VSIG1: variants seen among roughly 807,000 people sequenced by gnomAD.
VSIG1 encodes the protein V-set and immunoglobulin domain containing 1.
VSIG1 carries 11 observed loss-of-function variants against 20.1 expected under a neutral mutation model. The observed-to-expected ratio is 0.55, with a 90% CI of 0.34 to 0.91. The LOEUF (loss-of-function observed/expected upper bound fraction) is 0.91. VSIG1 is among the 40% of genes least tolerant of loss of function. The pLI, the probability that VSIG1 is intolerant of heterozygous loss-of-function variation, is 0.02. For missense variants in VSIG1, 283 were observed against 298.8 expected (o/e 0.95, Z 0.39); for synonymous variants, 126 against 116.7 (o/e 1.08, Z -0.52).
rs959451865 is a variant in VSIG1, at chrX:108,078,765, G to A, written c.*1384G>A. 6 of 112,346 alleles carry A rather than the reference G, an allele frequency of 5.3e-5. No homozygotes were observed. The highest frequency in any genetic ancestry group is 1.6e-4 in the African/African-American group (5 of 30,902). The allele number at this position is 112,346 out of a possible 1,213,427, so 9.3% of individuals were successfully genotyped here. On this transcript the variant is annotated 3_prime_UTR_variant, in exon 7 of 7. Transcript: ENST00000217957. ...GAATGAGTTATTATGTTATCACTGT[G>A]TCTGATGTTATCTACTTTGAAAGGC... is the stretch of plus-strand genomic sequence containing the variant.
chrX:108,072,152 T>G (rs2031260370), intron 3 of VSIG1, among the ~76,000 whole-genome samples: 1 of 110,229 alleles, frequency 9.1e-6, no homozygotes, highest in Non-Finnish European at 1.9e-5. Flanking sequence ...GGAGTCACTA[T>G]TTGAATCTTA....
the VSIG1 span, among the ~76,000 whole-genome samples, chrX:108,031,552 T>C: frequency 8.9e-6 from 1 of 111,784 alleles, no homozygotes. Flanking sequence ...ATGTTGGCAA[T>C]CGTAGCCATG....
At position 108,076,177 on chromosome X, in the gene VSIG1, A is replaced by C. The variant is rs1263435892; in HGVS notation, c.789A>C (p.Ala263=). 8 of 1,209,553 alleles carry C rather than the reference A, an allele frequency of 6.6e-6. No homozygotes were observed. The highest frequency in any genetic ancestry group is 8.9e-6 in the Non-Finnish European group (8 of 894,767). The change falls in exon 6 of 7, where the codon GCA becomes GCC. Residue 263 remains alanine (A), a synonymous_variant. Transcript: ENST00000217957. The part of the protein sequence containing the change: ...VVCFARNKAK[A]KAKERNSKTI... ...GCTTCGCAAGGAATAAGGCAAAAGC[A>C]AAGGCAAAAGAAAGAAATTCTAAGA... is the stretch of plus-strand genomic sequence containing the variant.
intron 2 of VSIG1, chrX:108,061,618 T>C: frequency 1.3e-6 from 1 of 785,875 alleles, no homozygotes; most frequent in Non-Finnish European, 1.9e-6. Context: ...AGGAATGGGA[T>C]GGGAGGGTCT....
At chrX:108,060,875 G>C (rs1016823460) in intron 2 of VSIG1, among the ~76,000 whole-genome samples, 2 of 112,181 alleles carry the variant, frequency 1.8e-5, no homozygotes, top group Non-Finnish European at 3.8e-5. Context: ...ACAAAATGGC[G>C]ATTTTGCAAA....
chrX:108,058,308 T>C lies in VSIG1; in HGVS notation c.213+107T>C. 3 of 806,247 alleles carry C rather than the reference T, an allele frequency of 3.7e-6. No individual in the cohort carries two copies. The South Asian group carries it at 8.0e-5, about 22-fold the overall frequency. 66.4% of individuals were successfully genotyped at this position (806,247 alleles called of 1,213,427 possible). A position where few individuals can be genotyped will look rare whatever the true frequency, so the allele number is the denominator to read the frequency against. On this transcript the variant is annotated intron_variant, in intron 2 of 6. Transcript: ENST00000217957. ...AAGAATGGCATGCCAGTGACAGTAG[T>C]GGCAGGAATCTCAGATACAAAAAGT...
the VSIG1 span, among the ~76,000 whole-genome samples, chrX:108,035,051 C>T: frequency 8.9e-6 from 1 of 112,149 alleles, no homozygotes; most frequent in African/African-American, 3.2e-5. Context: ...TTTTTTCCTG[C>T]TTTTGTGTCT....
In VSIG1 at chrX:108,072,719, A is replaced by C. The variant is rs1405109971; in HGVS notation, c.455A>C (p.Glu152Ala). ...KPLCSVQGRP[E>A]TGHTISLSCL... is the part of the protein sequence containing the mutation. The stretch of plus-strand genomic sequence containing the variant: ...CTTTGTAGCGTTCAAGGAAGACCAG[A>C]AACTGGCCACACTATTTCCCTTTCC... The change falls in exon 4 of 7, where the codon GAA (glutamate) becomes GCA (alanine). Residue 152 changes from glutamate to alanine, a missense_variant. Physicochemically the swap from Glu to Ala is moderately radical, Grantham distance 107. Transcript: ENST00000217957. 1 of 1,211,274 alleles carries C rather than the reference A, an allele frequency of 8.3e-7. No homozygotes were observed.
the VSIG1 span, among the ~76,000 whole-genome samples, chrX:108,031,763 C>T: frequency 2.1e-4 from 24 of 112,248 alleles, no homozygotes; most frequent in Middle Eastern, 9.3e-3. Flanking sequence ...GCATATTTAT[C>T]GTGTACAACA....
Position 108,078,525 on chromosome X carries a change from G to A in VSIG1, c.*1144G>A, listed in dbSNP as rs1469738664. ...GAATCGCTTGAACCCAGGAGGTGGAGGTTGCAGTGAGCCGAGATTGTGCCA... is the reference window on the plus strand; with the variant it reads ...GAATCGCTTGAACCCAGGAGGTGGAAGTTGCAGTGAGCCGAGATTGTGCCA... On this transcript the variant is annotated 3_prime_UTR_variant, in exon 7 of 7. Coordinates refer to ENST00000217957, the MANE Select transcript of VSIG1 (RefSeq NM_182607.5). 8.9e-6 allele frequency: 1 copy of A among 112,111 alleles called. No individual in the cohort carries two copies. Among genetic ancestry groups the A allele is most frequent in the African/African-American group, 3.2e-5 (1 of 30,808 alleles). The allele number at this position is 112,111 out of a possible 1,213,427, so 9.2% of individuals were successfully genotyped here.
chrX:108,050,526 T>C (rs1249720519), intron 1 of VSIG1, among the ~76,000 whole-genome samples: 1 of 112,329 alleles, frequency 8.9e-6, no homozygotes, highest in Non-Finnish European at 1.9e-5. Flanking sequence ...GTTAATAAGA[T>C]AAGACAGTGA....
chrX:108,059,756 T>C (rs1335568453), intron 2 of VSIG1, among the ~76,000 whole-genome samples: 1 of 112,576 alleles, frequency 8.9e-6, no homozygotes. Flanking sequence ...TCTTCCTTTT[T>C]GAAATTCAAT....
intron 2 of VSIG1, among the ~76,000 whole-genome samples, chrX:108,059,120 C>T (rs182425610): frequency 4.5e-5 from 5 of 111,645 alleles, no homozygotes; most frequent in Non-Finnish European, 9.4e-5. Context: ...AGAGACAAGT[C>T]GGTGTGGTTT....
At chrX:108,043,235 G>A (rs770988455), upstream of VSIG1, among the ~76,000 whole-genome samples, 19 of 112,038 alleles carry the variant, frequency 1.7e-4, no homozygotes, top group Non-Finnish European at 2.6e-4. Context: ...TGCCTTATAC[G>A]GCCCAGTACG....
intron 5 of VSIG1, among the ~76,000 whole-genome samples, chrX:108,075,328 G>A (rs1178808809): frequency 3.6e-5 from 4 of 112,325 alleles, no homozygotes; most frequent in East Asian, 2.8e-4. Flanking sequence ...ACTCAGAAAC[G>A]GGAAGGAGTC....
chrX:108,030,855 G>T, the VSIG1 span, among the ~76,000 whole-genome samples: 2 of 111,825 alleles, frequency 1.8e-5, no homozygotes, highest in African/African-American at 3.3e-5. Flanking sequence ...CTGGTGAGTT[G>T]TCTAATGCCA....
chrX:108,025,032 T>C, the VSIG1 span, among the ~76,000 whole-genome samples: 1 of 111,614 alleles, frequency 9.0e-6, no homozygotes, highest in African/African-American at 3.3e-5. Context: ...TTGTAGTCAT[T>C]GTTGAATGTG....
upstream of VSIG1, among the ~76,000 whole-genome samples, chrX:108,043,194 C>T (rs1209333844): frequency 8.9e-6 from 1 of 111,936 alleles, no homozygotes; most frequent in East Asian, 2.8e-4. Flanking sequence ...CGTTCTTTCT[C>T]TGTCACCTGC....
At chrX:108,044,926 G>A (rs1168431972), upstream of VSIG1, 4 of 298,763 alleles carry the variant, frequency 1.3e-5, no homozygotes, top group Admixed American at 1.8e-4. Flanking sequence ...AAGGAAACAC[G>A]CCCCATGAAA....
Sources: gnomAD v4.1 joint callset for allele counts (sites outside exome capture counted in the v4.1 genomes callset) on GRCh38, gnomAD v4.1.1 for gene constraint, MANE v1.5 for transcripts, NCBI Gene and HGNC (gene_info 2026-07-23, HGNC 2026-07-21) for gene names.